The following PREX2 variants were observed in gnomAD, a reference collection of about 807,000 sequenced individuals.
PREX2 encodes the protein phosphatidylinositol-3,4,5-trisphosphate dependent Rac exchange factor 2, also known as phosphatidylinositol 3,4,5-trisphosphate-dependent Rac exchanger 2 protein.
In PREX2, 107 loss-of-function variants were observed where a neutral mutation model predicts 203.2. The observed-to-expected ratio is 0.53, with a 90% confidence interval of 0.45 to 0.62. PREX2 has a LOEUF of 0.62. Ranked by LOEUF, PREX2 falls within the 20% of genes least tolerant of loss-of-function variation. PREX2 has a pLI of 0.00. For synonymous variants in PREX2, 672 were observed against 663.6 expected (o/e 1.01, Z -0.19); for missense variants, 1,777 against 1,955.9 (o/e 0.91, Z 1.72).
chr8:68,017,997 C>A (rs958131499), intron 2 of PREX2, 80 bp downstream of exon 2: 1 of 982,626 alleles, frequency 1.0e-6, no homozygotes, highest in Non-Finnish European at 1.6e-6. Flanking sequence ...TACTTCACAG[C>A]CCTTCAGTTG....
intron 1 of PREX2, among the ~76,000 whole-genome samples, chr8:67,986,119 G>A (rs146733576): frequency 4.7e-4 from 72 of 152,248 alleles, no homozygotes; most frequent in African/African-American, 1.6e-3. Context: ...CAGGAAAAAT[G>A]GGGGAAAAAT....
At chr8:68,107,114 G>C (rs149500737) in intron 23 of PREX2, among the ~76,000 whole-genome samples, 2 of 152,116 alleles carry the variant, frequency 1.3e-5, no homozygotes, top group South Asian at 2.1e-4. Context: ...AGGTTACAGC[G>C]TGCTGGAACT....
chr8:68,074,524 A>G (rs1052346881), intron 14 of PREX2, among the ~76,000 whole-genome samples: 4 of 152,202 alleles, frequency 2.6e-5, no homozygotes, highest in Non-Finnish European at 5.9e-5. Flanking sequence ...ATATTGTAAA[A>G]CATCCTAATG....
Position 68,208,731 on chromosome 8 carries a change from G to A in PREX2, c.4605-8885G>A, listed in dbSNP as rs549005290. 1.8e-4 allele frequency among the ~76,000 whole-genome samples: 27 copies of A among 152,142 alleles called. 1 individual carries two copies. The Middle Eastern group carries it at 0.01, about 57-fold the overall frequency. On this transcript the variant is annotated intron_variant, in intron 37 of 39. Coordinates refer to ENST00000288368, the MANE Select transcript of PREX2 (RefSeq NM_024870.4). ...AATCTGCCTCAGGCTTTCCAGGATG[G>A]GTGTTCAGATGTTGCTTTGGAGTGC...
At chr8:68,045,939 T>A (rs1808340099) in intron 8 of PREX2, among the ~76,000 whole-genome samples, 1 of 151,140 alleles carries the variant, frequency 6.6e-6, no homozygotes, top group African/African-American at 2.4e-5. Flanking sequence ...TCTAACATGC[T>A]AAGAGCTGTC....
intron 33 of PREX2, among the ~76,000 whole-genome samples, chr8:68,140,139 T>A (rs899884607): frequency 6.6e-6 from 1 of 152,170 alleles, no homozygotes; most frequent in African/African-American, 2.4e-5. Context: ...TTACTGCATA[T>A]CTACTGTGAA....
intron 34 of PREX2, among the ~76,000 whole-genome samples, chr8:68,155,699 C>A (rs1390117671): frequency 6.6e-6 from 1 of 152,114 alleles, no homozygotes; most frequent in Non-Finnish European, 1.5e-5. Flanking sequence ...ATTTACATTT[C>A]CAACTTGGAT....
chr8:68,142,690 C>T (rs1205605952), intron 33 of PREX2, among the ~76,000 whole-genome samples: 1 of 152,082 alleles, frequency 6.6e-6, no homozygotes, highest in Non-Finnish European at 1.5e-5. Flanking sequence ...CTTAGTTTGG[C>T]AAGAAAGTGC....
chr8:68,083,377 A>C lies in PREX2; in HGVS notation c.2016A>C (p.Thr672=). 6.2e-7 allele frequency: 1 copy of C among 1,608,680 alleles called. No individual in the cohort carries two copies. Among genetic ancestry groups the C allele is most frequent in the Non-Finnish European group, 8.5e-7 (1 of 1,176,564 alleles). The part of the protein sequence containing the change: ...SRKPLRVLVS[T]KPRETVKIPD... Reference sequence around the variant, plus strand: ...AACCTCTAAGAGTTCTTGTGAGCACAAAGCCAAGAGAGTAAGTTGTATGAT... The same window carrying C: ...AACCTCTAAGAGTTCTTGTGAGCACCAAGCCAAGAGAGTAAGTTGTATGAT... Residue 672 remains threonine (T), a synonymous_variant, in exon 18 of 40, where the codon ACA becomes ACC. Coordinates refer to ENST00000288368, the MANE Select transcript of PREX2 (RefSeq NM_024870.4).
At chr8:68,073,282 C>A (rs957901602) in intron 14 of PREX2, among the ~76,000 whole-genome samples, 2 of 150,652 alleles carry the variant, frequency 1.3e-5, no homozygotes, top group Non-Finnish European at 3.0e-5. Context: ...AAAACTGATA[C>A]CCACTGTAAC....
intron 38 of PREX2, among the ~76,000 whole-genome samples, chr8:68,219,999 A>G (rs535447024): frequency 6.6e-6 from 1 of 152,226 alleles, no homozygotes; most frequent in African/African-American, 2.4e-5. Context: ...GCATTATTGC[A>G]TTATCGAATT....
intron 1 of PREX2, among the ~76,000 whole-genome samples, chr8:67,958,404 G>A (rs550552009): frequency 2.0e-5 from 3 of 152,326 alleles, no homozygotes; most frequent in Non-Finnish European, 2.9e-5. Context: ...TGACCTCAGC[G>A]TGGCAGATCC....
intron 38 of PREX2, among the ~76,000 whole-genome samples, chr8:68,221,560 T>G (rs1812953756): frequency 6.6e-6 from 1 of 152,136 alleles, no homozygotes. Context: ...TGATATTTGA[T>G]TTGGAACTTG....
At chr8:68,118,818 A>C in intron 27 of PREX2, 174 bp downstream of exon 27, 1 of 738,108 alleles carries the variant, frequency 1.4e-6, no homozygotes, top group East Asian at 2.6e-5. Context: ...CTATTTCCCA[A>C]TCCCATTTTA....
chr8:68,043,003 T>C lies in PREX2; in HGVS notation c.840-1484T>C, dbSNP rs114865598. Among the ~76,000 whole-genome samples, 823 of 152,216 alleles carry C rather than the reference T, an allele frequency of 5.4e-3. 11 individuals are homozygous for C. Among genetic ancestry groups the C allele is most frequent in the African/African-American group, 0.019 (789 of 41,560 alleles). ...AGGATATTAAGTCTTTTCAATATGA[T>C]TGGTTTTAAGTTAGATGTACCAACT... On this transcript the variant is annotated intron_variant, in intron 7 of 39. Transcript: ENST00000288368.
intron 1 of PREX2, among the ~76,000 whole-genome samples, chr8:67,965,956 G>A (rs1805763567): frequency 6.6e-6 from 1 of 152,172 alleles, no homozygotes; most frequent in African/African-American, 2.4e-5. Flanking sequence ...ATTCTCACAT[G>A]TAAGTTGGGT....
At chr8:68,076,685 T>TCACACACACACACACACACA (rs57701553) in intron 14 of PREX2, among the ~76,000 whole-genome samples, 13 of 143,800 alleles carry the variant, frequency 9.0e-5, no homozygotes, top group East Asian at 6.5e-4. Context: ...AACTCTAAGG[T>TCACACACACACACACACACA]CACACACACA....
At chr8:68,183,167 A>G (rs1812118160) in intron 35 of PREX2, among the ~76,000 whole-genome samples, 1 of 152,110 alleles carries the variant, frequency 6.6e-6, no homozygotes, top group African/African-American at 2.4e-5. Context: ...AAATGATTGT[A>G]TTTATGCTTT....
chr8:68,028,050 C>T (rs1807782146), intron 5 of PREX2, among the ~76,000 whole-genome samples: 2 of 151,992 alleles, frequency 1.3e-5, no homozygotes, highest in Non-Finnish European at 2.9e-5. Context: ...TGGTTAAGCA[C>T]ATGAACTCTG....
Sources: gnomAD v4.1 joint callset for allele counts (sites outside exome capture counted in the v4.1 genomes callset) on GRCh38, gnomAD v4.1.1 for gene constraint, MANE v1.5 for transcripts, NCBI Gene and HGNC (gene_info 2026-07-23, HGNC 2026-07-21) for gene names.